CTDP1: variants seen among roughly 807,000 people sequenced by gnomAD.
The protein encoded by CTDP1 is CTD phosphatase 1, also known as RNA polymerase II subunit A C-terminal domain phosphatase.
Under a neutral mutation model 91.8 loss-of-function variants are expected in CTDP1, and 47 were observed. That is an observed-to-expected ratio of 0.51 (90% CI 0.41 to 0.65). The LOEUF is 0.65. Among genes scored for constraint, CTDP1 ranks in the 30% least tolerant of loss-of-function variants. The pLI is 0.00. For missense variants in CTDP1, 1,272 were observed against 1,373.7 expected (o/e 0.93, Z 1.17); for synonymous variants, 656 against 598.5 (o/e 1.10, Z -1.40).
At chr18:79,739,279 C>T (rs1568215233) in intron 12 of CTDP1, among the ~76,000 whole-genome samples, 1 of 152,204 alleles carries the variant, frequency 6.6e-6, no homozygotes, top group Non-Finnish European at 1.5e-5. Flanking sequence ...GCCACGTCAT[C>T]CAGGATACGT....
chr18:79,731,840 A>G (rs2086571241), intron 11 of CTDP1, among the ~76,000 whole-genome samples: 1 of 152,252 alleles, frequency 6.6e-6, no homozygotes. Flanking sequence ...TGGGGCCACC[A>G]TCACCAGGAG....
chr18:79,699,190 G>T (rs977503691), intron 4 of CTDP1, among the ~76,000 whole-genome samples: 4 of 152,126 alleles, frequency 2.6e-5, no homozygotes, highest in Admixed American at 2.6e-4. Context: ...CTATTCTTCT[G>T]TGCAGTATAA....
rs752586680 is a variant in CTDP1 at position 79,714,345 on chromosome 18, C to T, written c.1031-146C>T. The T allele has an allele frequency of 2.2e-5, 19 of 876,564 alleles. 1 individual carries two copies. The Middle Eastern group carries it at 1.1e-3, about 53-fold the overall frequency. The allele number at this position is 876,564 out of a possible 1,614,324, so 54.3% of individuals were successfully genotyped here. A position where few individuals can be genotyped will look rare whatever the true frequency, so the allele number is the denominator to read the frequency against. ...TCAGGTAAGGGGTGCTCACCCTGTC[C>T]GGCCTCTTCACAGCAAGGTTGCCAA... is the stretch of plus-strand genomic sequence containing the variant. On this transcript the variant is annotated intron_variant, in intron 7 of 12. Transcript: ENST00000613122.
intron 1 of CTDP1, among the ~76,000 whole-genome samples, chr18:79,685,101 C>G (rs893475741): frequency 1.1e-5 from 1 of 93,128 alleles, no homozygotes; most frequent in Non-Finnish European, 2.3e-5. Context: ...GCAGATGCCT[C>G]GTGGTGTGCT....
intron 1 of CTDP1, among the ~76,000 whole-genome samples, chr18:79,681,813 C>CA (rs2085375544): frequency 6.6e-6 from 1 of 152,170 alleles, no homozygotes; most frequent in Non-Finnish European, 1.5e-5. Flanking sequence ...CCATGGGCGG[C>CA]AGGTAAATCC....
At position 79,729,079 on chromosome 18, in the gene CTDP1, C is replaced by T. The variant is rs762434799; in HGVS notation, c.2580+10C>T. On this transcript the variant is annotated intron_variant, in intron 11 of 12. Transcript: ENST00000613122. ...GAGTATGGACAAAGAGGTGAGCCAA[C>T]CCCACGCCCCGGTGCCCGCGCCAGC... The T allele has an allele frequency of 8.8e-5, 142 of 1,612,380 alleles. No individual in the cohort carries two copies. The highest frequency in any genetic ancestry group is 1.1e-4 in the Non-Finnish European group (134 of 1,180,018).
intron 10 of CTDP1, among the ~76,000 whole-genome samples, chr18:79,728,583 G>T (rs577260477): frequency 5.4e-5 from 8 of 149,528 alleles, no homozygotes; most frequent in African/African-American, 1.9e-4. Flanking sequence ...TTCATCTCCC[G>T]TCTCTCTTTG....
At chr18:79,753,471 G>T (rs1201131807) in intron 12 of CTDP1, among the ~76,000 whole-genome samples, 181 bp from the exon 13 acceptor site, 1 of 152,252 alleles carries the variant, frequency 6.6e-6, no homozygotes, top group East Asian at 1.9e-4. Flanking sequence ...CTGCGCTGGG[G>T]CTCTGCTGTC....
At chr18:79,685,049 G>A (rs1163697088) in intron 1 of CTDP1, among the ~76,000 whole-genome samples, 4 of 150,930 alleles carry the variant, frequency 2.7e-5, no homozygotes, top group Non-Finnish European at 5.9e-5. Flanking sequence ...GTTTCTCTGC[G>A]GTGCTCCTTA....
At chr18:79,697,014 A>G (rs546817454) in intron 3 of CTDP1, among the ~76,000 whole-genome samples, 3 of 152,364 alleles carry the variant, frequency 2.0e-5, no homozygotes, top group Non-Finnish European at 2.9e-5. Flanking sequence ...ATTTCAGTCT[A>G]TCTTTTTATG....
chr18:79,708,062 G>A (rs2086004969), intron 5 of CTDP1, among the ~76,000 whole-genome samples: 1 of 152,148 alleles, frequency 6.6e-6, no homozygotes, highest in Non-Finnish European at 1.5e-5. Flanking sequence ...TCTCCTTTAA[G>A]CCCAAGTATC....
chr18:79,742,078 G>A (rs1016822470), intron 12 of CTDP1, among the ~76,000 whole-genome samples: 2 of 145,248 alleles, frequency 1.4e-5, no homozygotes, highest in Admixed American at 7.0e-5. Flanking sequence ...GGCGTCGTGG[G>A]AGAGAGGCCT....
intron 12 of CTDP1, among the ~76,000 whole-genome samples, chr18:79,740,355 G>A (rs1195237780): frequency 6.6e-6 from 1 of 152,200 alleles, no homozygotes. Flanking sequence ...CTGTCCAGCT[G>A]GGTTTTTGTG....
intron 8 of CTDP1, among the ~76,000 whole-genome samples, chr18:79,715,986 C>T (rs1341146880): frequency 6.6e-6 from 1 of 152,192 alleles, no homozygotes; most frequent in Non-Finnish European, 1.5e-5. Context: ...TGTCTCCCGA[C>T]GGTGAAACCT....
At chr18:79,738,702 G>A (rs529532733) in intron 12 of CTDP1, among the ~76,000 whole-genome samples, 1 of 152,250 alleles carries the variant, frequency 6.6e-6, no homozygotes, top group Non-Finnish European at 1.5e-5. Context: ...ATGCAGACAA[G>A]ACAAGATAGT....
chr18:79,683,723 C>T (rs996227635), intron 1 of CTDP1, among the ~76,000 whole-genome samples: 1 of 152,244 alleles, frequency 6.6e-6, no homozygotes, highest in Non-Finnish European at 1.5e-5. Context: ...TGGTTGCCTG[C>T]GTGCCCTGGT....
chr18:79,684,669 A>G (rs915904643), intron 1 of CTDP1, among the ~76,000 whole-genome samples: 7 of 152,218 alleles, frequency 4.6e-5, no homozygotes, highest in Non-Finnish European at 8.8e-5. Flanking sequence ...TGTTGTTACC[A>G]GCAACATTTA....
chr18:79,681,374 C>A, intron 1 of CTDP1: 1 of 814,058 alleles, frequency 1.2e-6, no homozygotes, highest in Non-Finnish European at 1.5e-6. Flanking sequence ...CCTCAGTGGG[C>A]ACTGGCCGTA....
intron 8 of CTDP1, 96 bp downstream of exon 8, chr18:79,715,624 A>G (rs931327104): frequency 2.1e-5 from 26 of 1,234,974 alleles, no homozygotes; most frequent in Non-Finnish European, 2.7e-5. Flanking sequence ...CTCACTTTCA[A>G]TTTTCAGAAA....
Sources: allele counts gnomAD v4.1 joint callset (sites outside exome capture counted in the v4.1 genomes callset), GRCh38; gene constraint gnomAD v4.1.1; transcripts MANE v1.5; gene names NCBI Gene and HGNC (gene_info 2026-07-23, HGNC 2026-07-21).